The following APBB2 variants were observed in gnomAD, a reference collection of about 807,000 sequenced individuals.
The protein encoded by APBB2 is amyloid beta precursor protein binding family B member 2, also known as Fe65-like 1.
APBB2 carries 38 observed loss-of-function variants against 82.5 expected under a neutral mutation model. The observed-to-expected ratio is 0.46, with a 90% CI of 0.36 to 0.60. APBB2 has a LOEUF of 0.60. Among genes scored for constraint, APBB2 ranks in the 20% least tolerant of loss-of-function variants. The pLI, the probability that APBB2 is intolerant of heterozygous loss-of-function variation, is 0.00. For synonymous variants in APBB2, 341 were observed against 368.2 expected, an observed-to-expected ratio of 0.93 and a Z score of 0.85; for missense variants, 772 against 972.3, an observed-to-expected ratio of 0.79 and a Z score of 2.74.
At chr4:40,835,707 C>T (rs1338196625) in intron 12 of APBB2, among the ~76,000 whole-genome samples, 2 of 152,198 alleles carry the variant, frequency 1.3e-5, no homozygotes, top group East Asian at 3.9e-4. Flanking sequence ...TTACAGGTGA[C>T]CCCATGTGAT....
At chr4:41,036,190 G>C (rs1215194880) in intron 4 of APBB2, among the ~76,000 whole-genome samples, 1 of 152,070 alleles carries the variant, frequency 6.6e-6, no homozygotes, top group African/African-American at 2.4e-5. Flanking sequence ...AAGTATACAG[G>C]AGGATGTTGC....
At chr4:41,130,787 C>T (rs1400269429) in intron 2 of APBB2, among the ~76,000 whole-genome samples, 1 of 152,114 alleles carries the variant, frequency 6.6e-6, no homozygotes, top group Non-Finnish European at 1.5e-5. Context: ...CATCCGCCCT[C>T]CCTTCTCTCC....
intron 7 of APBB2, among the ~76,000 whole-genome samples, chr4:40,941,949 T>C (rs921168534): frequency 2.0e-5 from 3 of 152,158 alleles, no homozygotes; most frequent in Non-Finnish European, 2.9e-5. Flanking sequence ...ATAAGGGTTT[T>C]ATGGGGAGTA....
intron 1 of APBB2, among the ~76,000 whole-genome samples, chr4:41,203,218 A>G (rs569098496): frequency 5.5e-4 from 84 of 152,256 alleles, no homozygotes; most frequent in African/African-American, 2.0e-3. Flanking sequence ...ATACACACAC[A>G]CACGTGTACA....
At chr4:41,180,868 T>C (rs1011395490) in intron 1 of APBB2, among the ~76,000 whole-genome samples, 1 of 152,166 alleles carries the variant, frequency 6.6e-6, no homozygotes, top group Non-Finnish European at 1.5e-5. Flanking sequence ...TTTCATTGTA[T>C]AGTTTAATTC....
chr4:40,978,764 C>T (rs1797785092), intron 6 of APBB2, among the ~76,000 whole-genome samples: 1 of 152,078 alleles, frequency 6.6e-6, no homozygotes, highest in South Asian at 2.1e-4. Flanking sequence ...TACAAATAAA[C>T]AAGCAAAAGC....
chr4:40,824,974 G>C (rs1317659076), intron 15 of APBB2, among the ~76,000 whole-genome samples: 10 of 152,176 alleles, frequency 6.6e-5, no homozygotes, highest in Non-Finnish European at 1.2e-4. Context: ...ACAGTATGCA[G>C]TCTTTTGGGA....
Position 40,895,895 on chromosome 4 carries a change from G to A in APBB2, c.1255-2484C>T, listed in dbSNP as rs181287027. 3.9e-5 allele frequency among the ~76,000 whole-genome samples: 6 copies of A among 152,348 alleles called. No individual in the cohort carries two copies. The East Asian group carries it at 1.2e-3, about 29-fold the overall frequency. On this transcript the variant is annotated intron_variant, in intron 10 of 17. Transcript: ENST00000508593. Reference sequence around the variant, plus strand: ...GTTATACATGAGGAAACTGGGTTCAGCACAAAGCTGGTGAGTGGTAGATCC... The same window carrying A: ...GTTATACATGAGGAAACTGGGTTCAACACAAAGCTGGTGAGTGGTAGATCC...
At chr4:40,945,812 G>A (rs1788221913) in intron 6 of APBB2, among the ~76,000 whole-genome samples, 1 of 152,154 alleles carries the variant, frequency 6.6e-6, no homozygotes, top group African/African-American at 2.4e-5. Flanking sequence ...GTTTCACCAT[G>A]TTAGCCAGGA....
chr4:41,169,850 A>G (rs1767766071), intron 1 of APBB2, among the ~76,000 whole-genome samples: 1 of 126,712 alleles, frequency 7.9e-6, no homozygotes, highest in African/African-American at 3.8e-5. Flanking sequence ...AGAAAATATT[A>G]CTGTAGGTTT....
At chr4:41,082,337 G>A (rs866415587) in intron 3 of APBB2, among the ~76,000 whole-genome samples, 1 of 152,066 alleles carries the variant, frequency 6.6e-6, no homozygotes, top group African/African-American at 2.4e-5. Context: ...CTCCCACTAT[G>A]CAACAAAATA....
At chr4:40,891,199 C>A (rs1771917863) in intron 11 of APBB2, among the ~76,000 whole-genome samples, 1 of 152,254 alleles carries the variant, frequency 6.6e-6, no homozygotes, top group Non-Finnish European at 1.5e-5. Context: ...CTGCTGGGAT[C>A]CCAGCACAGG....
chr4:41,040,583 A>G (rs1481062473), intron 4 of APBB2, among the ~76,000 whole-genome samples: 2 of 152,190 alleles, frequency 1.3e-5, no homozygotes, highest in African/African-American at 4.8e-5. Context: ...ACCAGAGGCA[A>G]GTGATGGAGC....
At chr4:41,109,556 C>T (rs1243880445) in intron 2 of APBB2, among the ~76,000 whole-genome samples, 22 of 152,132 alleles carry the variant, frequency 1.4e-4, no homozygotes, top group African/African-American at 5.3e-4. Flanking sequence ...CTGCAACCTC[C>T]GCCTCCTAGG....
At chr4:40,859,925 T>C (rs1476506037) in intron 12 of APBB2, among the ~76,000 whole-genome samples, 1 of 152,192 alleles carries the variant, frequency 6.6e-6, no homozygotes, top group African/African-American at 2.4e-5. Context: ...ATCCCTCTCA[T>C]CTTCTAGGAA....
intron 3 of APBB2, among the ~76,000 whole-genome samples, chr4:41,066,073 T>A (rs1579715232): frequency 3.7e-5 from 4 of 109,544 alleles, no homozygotes; most frequent in African/African-American, 3.2e-5. Context: ...TATAAAACTT[T>A]AAAAGCTTGA....
intron 12 of APBB2, among the ~76,000 whole-genome samples, chr4:40,872,962 C>A (rs1765927322): frequency 6.6e-6 from 1 of 151,824 alleles, no homozygotes; most frequent in African/African-American, 2.4e-5. Context: ...GTGTTGCGTG[C>A]CTGTAATCCC....
intron 5 of APBB2, among the ~76,000 whole-genome samples, chr4:41,022,202 G>A (rs1397468405): frequency 6.6e-6 from 1 of 152,144 alleles, no homozygotes; most frequent in Non-Finnish European, 1.5e-5. Flanking sequence ...CCACCTGGGG[G>A]GCTTTTAAAA....
At chr4:40,965,327 T>TA (rs1441266756) in intron 6 of APBB2, among the ~76,000 whole-genome samples, 1 of 152,208 alleles carries the variant, frequency 6.6e-6, no homozygotes, top group Non-Finnish European at 1.5e-5. Context: ...TTTTTAGATT[T>TA]ATATATTTCC....
Sources: allele counts gnomAD v4.1 joint callset (sites outside exome capture counted in the v4.1 genomes callset), GRCh38; gene constraint gnomAD v4.1.1; transcripts MANE v1.5; gene names NCBI Gene and HGNC (gene_info 2026-07-23, HGNC 2026-07-21).